Variants in RAB33A observed in about 807,000 individuals in gnomAD.
RAB33A encodes the protein ras-related protein Rab-33A.
A neutral mutation model predicts 12.0 loss-of-function variants in RAB33A; 6 were observed. The ratio of observed to expected loss-of-function variants is 0.50; its 90% CI spans 0.27 to 0.99. RAB33A has a LOEUF of 0.99. RAB33A is among the 50% of genes least tolerant of loss of function. The pLI is 0.11. For synonymous variants in RAB33A, 70 were observed against 82.4 expected, an observed-to-expected ratio of 0.85 and a Z score of 0.81; for missense variants, 109 against 192.0, an observed-to-expected ratio of 0.57 and a Z score of 2.55.
the RAB33A span, among the ~76,000 whole-genome samples, chrX:130,116,485 G>A: frequency 9.0e-6 from 1 of 110,959 alleles, no homozygotes; most frequent in Non-Finnish European, 1.9e-5. Flanking sequence ...GTAGAGACAG[G>A]GTTTTACTGT....
the RAB33A span, among the ~76,000 whole-genome samples, chrX:130,157,896 A>G: frequency 9.6e-6 from 1 of 104,410 alleles, no homozygotes; most frequent in East Asian, 3.0e-4. Flanking sequence ...CGGAGGTTGC[A>G]GTGAGCCGAG....
chrX:130,115,303 T>G, the RAB33A span, among the ~76,000 whole-genome samples: 3 of 111,265 alleles, frequency 2.7e-5, no homozygotes, highest in Non-Finnish European at 5.7e-5. Context: ...CATACCACCA[T>G]GGACACATAC....
intron 1 of RAB33A, among the ~76,000 whole-genome samples, chrX:130,180,548 G>A (rs1047698819): frequency 9.0e-6 from 1 of 110,920 alleles, no homozygotes; most frequent in African/African-American, 3.3e-5. Context: ...TCCGTCTTCC[G>A]GGCTCATGCC....
the RAB33A span, chrX:130,129,989 C>T: frequency 5.8e-6 from 7 of 1,211,653 alleles, no homozygotes; most frequent in South Asian, 1.8e-5. Flanking sequence ...TATTGGCATT[C>T]GGTTAAAGAT....
chrX:130,134,000 T>G, the RAB33A span, among the ~76,000 whole-genome samples: 1 of 110,824 alleles, frequency 9.0e-6, no homozygotes, highest in South Asian at 3.8e-4. Context: ...CCCAGCACTT[T>G]GGGAGACCAA....
the RAB33A span, among the ~76,000 whole-genome samples, chrX:130,138,193 T>A: frequency 1.8e-5 from 2 of 110,549 alleles, no homozygotes; most frequent in African/African-American, 6.6e-5. Context: ...AGGCTGGGTG[T>A]GGTGGCTCAC....
the RAB33A span, among the ~76,000 whole-genome samples, chrX:130,118,183 G>C: frequency 3.6e-5 from 4 of 112,663 alleles, no homozygotes; most frequent in Middle Eastern, 4.6e-3. Context: ...AGATTCAGGA[G>C]AGTTGGGGAG....
chrX:130,146,400 G>A, the RAB33A span, among the ~76,000 whole-genome samples: 1 of 109,114 alleles, frequency 9.2e-6, no homozygotes, highest in South Asian at 4.0e-4. Flanking sequence ...GCTATGATTC[G>A]GCCACTGCAC....
chrX:130,136,815 C>T, the RAB33A span: 1 of 1,078,433 alleles, frequency 9.3e-7, no homozygotes, highest in Non-Finnish European at 1.3e-6. Context: ...GCGGTCTCCT[C>T]CACGGTAAAA....
the RAB33A span, chrX:130,136,205 A>T: frequency 8.3e-7 from 1 of 1,210,290 alleles, no homozygotes; most frequent in African/African-American, 1.7e-5. Flanking sequence ...AAAAGAAATA[A>T]TTCAGTCAAT....
At chrX:130,112,814 C>A in the RAB33A span, among the ~76,000 whole-genome samples, 1 of 110,459 alleles carries the variant, frequency 9.1e-6, no homozygotes, top group Non-Finnish European at 1.9e-5. Context: ...TGCAGTGAGC[C>A]GAGATCGTGC....
chrX:130,120,917 A>G, the RAB33A span, among the ~76,000 whole-genome samples: 1 of 113,180 alleles, frequency 8.8e-6, no homozygotes, highest in African/African-American at 3.2e-5. Context: ...ACTGTCGTCC[A>G]AGGAGGAGCA....
At chrX:130,168,045 T>C (rs1345188393), upstream of RAB33A, among the ~76,000 whole-genome samples, 1 of 107,810 alleles carries the variant, frequency 9.3e-6, no homozygotes, top group Admixed American at 1.0e-4. Flanking sequence ...GGCGTGGTGG[T>C]ATGTGCCTGT....
At chrX:130,131,699 G>A in the RAB33A span, 1 of 1,211,831 alleles carries the variant, frequency 8.3e-7, no homozygotes, top group Non-Finnish European at 1.1e-6. Flanking sequence ...GCAGATTTGG[G>A]GTTGTCTTGT....
chrX:130,145,526 G>A, the RAB33A span: 7 of 1,210,458 alleles, frequency 5.8e-6, no homozygotes, highest in East Asian at 1.2e-4. Context: ...ATATGAGGCA[G>A]GTCCTGAGCA....
At chrX:130,143,660 G>A in the RAB33A span, among the ~76,000 whole-genome samples, 6 of 105,912 alleles carry the variant, frequency 5.7e-5, no homozygotes, top group Non-Finnish European at 1.2e-4. Context: ...AGACCAACCT[G>A]GCCTACATGG....
upstream of RAB33A, chrX:130,171,832 G>C: frequency 1.5e-5 from 6 of 399,624 alleles, no homozygotes; most frequent in Admixed American, 1.9e-4. Flanking sequence ...TGGTGCCTCC[G>C]AGCTGCAAGG....
At chrX:130,140,095 C>A in the RAB33A span, among the ~76,000 whole-genome samples, 1 of 112,437 alleles carries the variant, frequency 8.9e-6, no homozygotes, top group Non-Finnish European at 1.9e-5. Context: ...GGGGTACACC[C>A]TGCCCCTAGG....
At chrX:130,148,852 A>G in the RAB33A span, among the ~76,000 whole-genome samples, 1 of 106,826 alleles carries the variant, frequency 9.4e-6, no homozygotes, top group Non-Finnish European at 1.9e-5. Context: ...AAAAAAAAAA[A>G]AAAAAAAGGT....
Sources: gnomAD v4.1 joint callset for allele counts (sites outside exome capture counted in the v4.1 genomes callset) on GRCh38, gnomAD v4.1.1 for gene constraint, MANE v1.5 for transcripts, NCBI Gene and HGNC (gene_info 2026-07-23, HGNC 2026-07-21) for gene names.